DGKB: variants seen among roughly 807,000 people sequenced by gnomAD.
The protein encoded by DGKB is diacylglycerol kinase beta.
In DGKB, 67 loss-of-function variants were observed where a neutral mutation model predicts 114.3. The ratio of observed to expected loss-of-function variants is 0.59; its 90% CI spans 0.48 to 0.72. DGKB has a LOEUF of 0.72. DGKB is among the 30% of genes least tolerant of loss of function. The pLI is 0.00. For synonymous variants in DGKB, 398 were observed against 323.1 expected, an observed-to-expected ratio of 1.23 and a Z score of -2.49; for missense variants, 907 against 975.2, an observed-to-expected ratio of 0.93 and a Z score of 0.93.
chr7:14,256,930 T>G (rs752988548), intron 23 of DGKB, among the ~76,000 whole-genome samples: 1 of 151,732 alleles, frequency 6.6e-6, no homozygotes, highest in African/African-American at 2.4e-5. Flanking sequence ...CTTTGGGAGG[T>G]TGAGGTGGGA....
intron 23 of DGKB, among the ~76,000 whole-genome samples, chr7:14,180,356 C>T (rs1354600023): frequency 1.3e-5 from 2 of 152,180 alleles, no homozygotes; most frequent in Non-Finnish European, 2.9e-5. Flanking sequence ...CATATTGCTA[C>T]TGTCTACCAC....
chr7:14,183,980 G>A (rs1181989656), intron 23 of DGKB, among the ~76,000 whole-genome samples: 1 of 152,248 alleles, frequency 6.6e-6, no homozygotes, highest in Non-Finnish European at 1.5e-5. Flanking sequence ...AACTGAGGAA[G>A]TGGAAAAGGG....
chr7:14,694,795 G>C (rs916626041), intron 8 of DGKB, among the ~76,000 whole-genome samples: 1 of 152,130 alleles, frequency 6.6e-6, no homozygotes, highest in African/African-American at 2.4e-5. Flanking sequence ...ACCTAGAAGG[G>C]CTGTTGTGAG....
At chr7:14,567,450 T>C (rs1205622482) in intron 20 of DGKB, among the ~76,000 whole-genome samples, 1 of 60,466 alleles carries the variant, frequency 1.7e-5, no homozygotes, top group African/African-American at 6.8e-5. Context: ...TATTATATAT[T>C]ATATATAATT....
intron 23 of DGKB, among the ~76,000 whole-genome samples, chr7:14,260,968 C>A (rs941886543): frequency 4.6e-5 from 7 of 152,062 alleles, no homozygotes; most frequent in African/African-American, 1.7e-4. Context: ...AACCAAAACA[C>A]GCCTGAGATT....
At chr7:14,646,715 A>G (rs961312673) in intron 13 of DGKB, among the ~76,000 whole-genome samples, 2 of 152,152 alleles carry the variant, frequency 1.3e-5, no homozygotes, top group African/African-American at 4.8e-5. Flanking sequence ...ATACATGGAA[A>G]TTAAACAACA....
chr7:14,648,631 C>A (rs1057232995), intron 13 of DGKB, among the ~76,000 whole-genome samples: 12 of 152,064 alleles, frequency 7.9e-5, no homozygotes, highest in Non-Finnish European at 1.8e-4. Flanking sequence ...AGCAACGGAA[C>A]AAAGCTGGAT....
intron 2 of DGKB, among the ~76,000 whole-genome samples, chr7:14,827,419 GGAGAGA>G (rs368228854): frequency 1.3e-5 from 2 of 149,640 alleles, no homozygotes; most frequent in Non-Finnish European, 1.5e-5. Flanking sequence ...AGAAAGACAG[GGAGAGA>G]GAGAGAGAGA....
chr7:14,926,025 G>A (rs1784731540), intron 1 of DGKB, among the ~76,000 whole-genome samples: 1 of 152,102 alleles, frequency 6.6e-6, no homozygotes, highest in African/African-American at 2.4e-5. Flanking sequence ...GAAGTTAACT[G>A]TAGGTTTCTG....
chr7:14,833,661 GT>G, intron 2 of DGKB, among the ~76,000 whole-genome samples: 1 of 152,062 alleles, frequency 6.6e-6, no homozygotes. Flanking sequence ...CTTACCTTCA[GT>G]GCTTAGACTC....
chr7:14,758,179 G>A (rs1835165434), intron 2 of DGKB, among the ~76,000 whole-genome samples: 1 of 151,880 alleles, frequency 6.6e-6, no homozygotes, highest in Admixed American at 6.6e-5. Context: ...TTTTAGTTTT[G>A]TTATGTATAA....
chr7:14,169,234 G>A lies in DGKB; in HGVS notation c.2304+7605C>T, dbSNP rs374597063. Among the ~76,000 whole-genome samples, 324 of 151,270 alleles carry A rather than the reference G, an allele frequency of 2.1e-3. 3 individuals carry two copies. The East Asian group carries it at 0.028, about 13-fold the overall frequency. On this transcript the variant is annotated intron_variant, in intron 25 of 25. Transcript: ENST00000402815. ...AAAAAAATTAGCCAGGTGTGGTGGC[G>A]GGCGCCTGTAGTCCCAGCTACTCGG...
At chr7:14,566,245 A>T (rs1343474816) in intron 20 of DGKB, among the ~76,000 whole-genome samples, 1 of 152,182 alleles carries the variant, frequency 6.6e-6, no homozygotes, top group African/African-American at 2.4e-5. Flanking sequence ...AATTTTAAGT[A>T]TCTAGAAGGA....
chr7:14,929,974 A>G (rs1784924431), intron 1 of DGKB, among the ~76,000 whole-genome samples: 1 of 152,108 alleles, frequency 6.6e-6, no homozygotes, highest in Non-Finnish European at 1.5e-5. Context: ...TTTATTGAAA[A>G]CTGTGTCCTT....
chr7:14,551,981 G>C (rs1206627768), intron 20 of DGKB, among the ~76,000 whole-genome samples: 1 of 151,966 alleles, frequency 6.6e-6, no homozygotes, highest in Non-Finnish European at 1.5e-5. Context: ...TCTAATTACA[G>C]AACCATAAGG....
intron 23 of DGKB, among the ~76,000 whole-genome samples, chr7:14,255,801 T>C (rs2128400543): frequency 6.6e-6 from 1 of 152,286 alleles, no homozygotes; most frequent in African/African-American, 2.4e-5. Context: ...TTGCACTTTT[T>C]TCTTCACTTT....
At chr7:14,653,164 C>T (rs1485961076) in intron 13 of DGKB, among the ~76,000 whole-genome samples, 1 of 148,912 alleles carries the variant, frequency 6.7e-6, no homozygotes, top group African/African-American at 2.5e-5. Flanking sequence ...GGTATATACC[C>T]AAAGGACTAT....
chr7:14,241,579 A>C (rs1793648737), intron 23 of DGKB, among the ~76,000 whole-genome samples: 1 of 152,034 alleles, frequency 6.6e-6, no homozygotes, highest in Admixed American at 6.6e-5. Context: ...TGCAAATGAA[A>C]AGCTTTTTTA....
At chr7:14,334,139 C>T (rs973928338) in intron 23 of DGKB, among the ~76,000 whole-genome samples, 1 of 152,010 alleles carries the variant, frequency 6.6e-6, no homozygotes, top group African/African-American at 2.4e-5. Context: ...CACTGATTGC[C>T]ATATGTTGTT....
Sources: allele counts gnomAD v4.1 joint callset (sites outside exome capture counted in the v4.1 genomes callset), GRCh38; gene constraint gnomAD v4.1.1; transcripts MANE v1.5; gene names NCBI Gene and HGNC (gene_info 2026-07-23, HGNC 2026-07-21).